Variants in MACROD2 observed in about 807,000 individuals in gnomAD.
MACROD2 encodes the protein ADP-ribose glycohydrolase MACROD2.
In MACROD2, 36 loss-of-function variants were observed where a neutral mutation model predicts 70.4. The ratio of observed to expected loss-of-function variants is 0.51; its 90% CI spans 0.39 to 0.68. MACROD2 has a LOEUF of 0.68. Among genes scored for constraint, MACROD2 ranks in the 30% least tolerant of loss-of-function variants. The probability of loss-of-function intolerance (pLI) is 0.00; values close to 1 mark genes in which losing one functional copy is unlikely to be tolerated. For missense variants in MACROD2, 496 were observed against 538.4 expected, an observed-to-expected ratio of 0.92 and a Z score of 0.78; for synonymous variants, 172 against 178.8, an observed-to-expected ratio of 0.96 and a Z score of 0.30.
chr20:14,195,612 C>G (rs1171121155), intron 3 of MACROD2, among the ~76,000 whole-genome samples: 1 of 151,574 alleles, frequency 6.6e-6, no homozygotes, highest in Non-Finnish European at 1.5e-5. Context: ...CACACACAAG[C>G]GACTGGACAT....
At chr20:15,724,193 T>C (rs1453249950) in intron 8 of MACROD2, among the ~76,000 whole-genome samples, 1 of 152,238 alleles carries the variant, frequency 6.6e-6, no homozygotes, top group Non-Finnish European at 1.5e-5. Flanking sequence ...GATGTGTCTT[T>C]TGCAAATATA....
chr20:15,549,871 C>T (rs536355492), intron 8 of MACROD2, among the ~76,000 whole-genome samples: 34 of 151,568 alleles, frequency 2.2e-4, no homozygotes, highest in African/African-American at 7.3e-4. Context: ...TTTTTTTCAG[C>T]GCTATCTGAA....
intron 5 of MACROD2, among the ~76,000 whole-genome samples, chr20:15,076,942 C>T (rs1461157928): frequency 6.6e-6 from 1 of 152,102 alleles, no homozygotes; most frequent in Non-Finnish European, 1.5e-5. Flanking sequence ...TTATCAAGTC[C>T]ATAAAATTTG....
At chr20:15,299,634 C>T (rs183393986) in intron 6 of MACROD2, among the ~76,000 whole-genome samples, 1 of 152,334 alleles carries the variant, frequency 6.6e-6, no homozygotes, top group African/African-American at 2.4e-5. Context: ...TGACCATCTG[C>T]ATTATCACCC....
intron 8 of MACROD2, among the ~76,000 whole-genome samples, chr20:15,719,126 G>A (rs909207946): frequency 2.6e-5 from 4 of 151,924 alleles, no homozygotes; most frequent in Admixed American, 1.3e-4. Flanking sequence ...GCTTACTCAC[G>A]AATGCTACTG....
At chr20:16,003,464 A>G (rs1166635753) in intron 15 of MACROD2, among the ~76,000 whole-genome samples, 5 of 152,146 alleles carry the variant, frequency 3.3e-5, no homozygotes, top group African/African-American at 4.8e-5. Flanking sequence ...TTGGAGGCTC[A>G]TGGTCCAGAC....
chr20:15,502,090 A>T (rs946420606), intron 8 of MACROD2, among the ~76,000 whole-genome samples: 1 of 152,232 alleles, frequency 6.6e-6, no homozygotes, highest in Non-Finnish European at 1.5e-5. Context: ...TCTAGAAAAA[A>T]AAATTATGTT....
At chr20:14,457,573 C>T (rs2084318248) in intron 3 of MACROD2, among the ~76,000 whole-genome samples, 1 of 152,134 alleles carries the variant, frequency 6.6e-6, no homozygotes, top group Non-Finnish European at 1.5e-5. Flanking sequence ...TACACACTCC[C>T]CCCGTACACA....
At chr20:14,249,559 C>A (rs1457284639) in intron 3 of MACROD2, among the ~76,000 whole-genome samples, 1 of 151,930 alleles carries the variant, frequency 6.6e-6, no homozygotes, top group Non-Finnish European at 1.5e-5. Context: ...TCTCCAGCAT[C>A]AAAATTAGAG....
chr20:14,986,374 G>A (rs918470183), intron 5 of MACROD2, among the ~76,000 whole-genome samples: 4 of 152,004 alleles, frequency 2.6e-5, no homozygotes, highest in Admixed American at 1.3e-4. Context: ...TAAGGTTCCC[G>A]GTGGCTGCAC....
intron 12 of MACROD2, among the ~76,000 whole-genome samples, chr20:15,954,206 G>T (rs2065944739): frequency 6.6e-6 from 1 of 152,044 alleles, no homozygotes. Flanking sequence ...ACTCCTTCTT[G>T]AATGCCCATA....
At chr20:15,739,920 G>T (rs112407093) in intron 8 of MACROD2, among the ~76,000 whole-genome samples, 2,891 of 152,292 alleles carry the variant, frequency 0.019, 46 homozygotes, top group Non-Finnish European at 0.032. Context: ...TACATTTCAA[G>T]AACTTAGGAT....
intron 3 of MACROD2, among the ~76,000 whole-genome samples, chr20:14,168,500 A>G (rs945522835): frequency 1.3e-5 from 2 of 152,308 alleles, no homozygotes; most frequent in East Asian, 1.9e-4. Flanking sequence ...AGAGGTTTCC[A>G]TGTTATTAGC....
chr20:15,413,855 A>G (rs2046111582), intron 6 of MACROD2, among the ~76,000 whole-genome samples: 1 of 152,208 alleles, frequency 6.6e-6, no homozygotes, highest in Admixed American at 6.5e-5. Flanking sequence ...AATTCTGACA[A>G]GAAACGATAC....
At chr20:15,766,803 A>T (rs1338301835) in intron 8 of MACROD2, among the ~76,000 whole-genome samples, 4 of 152,216 alleles carry the variant, frequency 2.6e-5, no homozygotes, top group African/African-American at 7.2e-5. Context: ...TAATGGCTTA[A>T]AAACAGACAT....
At chr20:15,008,028 G>A (rs1395492864) in intron 5 of MACROD2, among the ~76,000 whole-genome samples, 1 of 152,170 alleles carries the variant, frequency 6.6e-6, no homozygotes, top group Non-Finnish European at 1.5e-5. Flanking sequence ...TTGAAGCTGA[G>A]TATCAAACTC....
At chr20:15,795,294 G>A (rs1455918749) in intron 8 of MACROD2, among the ~76,000 whole-genome samples, 1 of 152,084 alleles carries the variant, frequency 6.6e-6, no homozygotes, top group African/African-American at 2.4e-5. Context: ...CATAAATCAA[G>A]ATACATTTAT....
chr20:15,863,639 T>G (rs2064455028), intron 9 of MACROD2, among the ~76,000 whole-genome samples: 1 of 152,196 alleles, frequency 6.6e-6, no homozygotes, highest in Admixed American at 6.5e-5. Flanking sequence ...CAGAGAGCTT[T>G]CTTTTGAGGT....
At chr20:15,796,741 T>G (rs1022424135) in intron 8 of MACROD2, among the ~76,000 whole-genome samples, 1 of 152,232 alleles carries the variant, frequency 6.6e-6, no homozygotes, top group East Asian at 1.9e-4. Flanking sequence ...TGCCATCAAA[T>G]GTAACTTCTA....
Sources: gnomAD v4.1 joint callset for allele counts (sites outside exome capture counted in the v4.1 genomes callset) on GRCh38, gnomAD v4.1.1 for gene constraint, MANE v1.5 for transcripts, NCBI Gene and HGNC (gene_info 2026-07-23, HGNC 2026-07-21) for gene names.